The following NAT10 variants were observed in gnomAD, a reference collection of about 807,000 sequenced individuals.
NAT10 encodes the protein RNA cytidine acetyltransferase.
NAT10 carries 109 observed loss-of-function variants against 132.2 expected under a neutral mutation model. The ratio of observed to expected loss-of-function variants is 0.82; its 90% CI spans 0.71 to 0.97. The LOEUF is 0.97. Ranked by LOEUF, NAT10 falls within the 50% of genes least tolerant of loss-of-function variation. The pLI is 0.00. For synonymous variants in NAT10, 479 were observed against 478.0 expected, an observed-to-expected ratio of 1.00 and a Z score of -0.03; for missense variants, 1,184 against 1,263.4, an observed-to-expected ratio of 0.94 and a Z score of 0.95.
chr11:34,131,079 T>C (rs752445940), intron 13 of NAT10, 142 bp downstream of exon 13: 98 of 1,329,078 alleles, frequency 7.4e-5, no homozygotes, highest in Non-Finnish European at 9.1e-5. Flanking sequence ...AGAGGAGAAG[T>C]AGCTTTTTTC....
intron 12 of NAT10, 85 bp from the exon 13 acceptor site, chr11:34,130,728 G>A (rs745342441): frequency 4.6e-5 from 69 of 1,512,056 alleles, no homozygotes; most frequent in Admixed American, 4.1e-4. Context: ...TGGTGTTTCA[G>A]CAGGTGGAGG....
intron 27 of NAT10, among the ~76,000 whole-genome samples, chr11:34,142,709 A>G (rs1207067625): frequency 6.6e-6 from 1 of 152,174 alleles, no homozygotes; most frequent in Admixed American, 6.5e-5. Context: ...AAAGGATTCT[A>G]CTGCTAAAAC....
rs188870778 is a variant in NAT10, at chr11:34,124,251, A to G, written c.1009-51A>G. On this transcript the variant is annotated intron_variant, in intron 10 of 28. Transcript: ENST00000257829. ...ATACTTGCTTACTTTCATAATATTT[A>G]GTTTCTGAAACTTGTTTCTAAAGTT... 8.3e-5 allele frequency: 98 copies of G among 1,187,632 alleles called. No homozygotes were observed. In the East Asian group the frequency reaches 2.3e-3, roughly 28 times the overall value. The allele number at this position is 1,187,632 out of a possible 1,614,324, so 73.6% of individuals were successfully genotyped here.
chr11:34,110,347 C>T (rs1361742376), intron 3 of NAT10, among the ~76,000 whole-genome samples: 1 of 151,664 alleles, frequency 6.6e-6, no homozygotes, highest in Non-Finnish European at 1.5e-5. Flanking sequence ...CTTGGAATGC[C>T]ACTTCCACCT....
rs147842445 is a variant in NAT10, at chr11:34,137,038, A to G, written c.2211+12A>G. On this transcript the variant is annotated intron_variant, in intron 21 of 28. Transcript: ENST00000257829. The stretch of plus-strand genomic sequence containing the variant: ...TGAGACAGACCCCGGTGAGTGAGGC[A>G]TCCAGCAGAGGAGAAGTTTAGGTTT... The G allele has an allele frequency of 1.5e-3, 2,459 of 1,614,172 alleles. 39 individuals are homozygous for G. The African/African-American group carries it at 0.028, about 19-fold the overall frequency.
At chr11:34,122,345 C>T in intron 8 of NAT10, 114 bp from the exon 9 acceptor site, 6 of 1,372,402 alleles carry the variant, frequency 4.4e-6, no homozygotes, top group Non-Finnish European at 5.1e-6. Flanking sequence ...CCTGCAAGAA[C>T]TGCCGCCCTC....
At chr11:34,109,313 T>G (rs1478778107) in intron 3 of NAT10, among the ~76,000 whole-genome samples, 1 of 152,222 alleles carries the variant, frequency 6.6e-6, no homozygotes, top group African/African-American at 2.4e-5. Flanking sequence ...TTCTCCTTCC[T>G]GTAAACATGC....
rs779496250 is a variant in NAT10 at position 34,108,974 on chromosome 11, T to C, written c.200+141T>C. The C allele has an allele frequency of 1.0e-4, 66 of 658,812 alleles. No homozygotes were observed. In the East Asian group the frequency reaches 2.0e-3, roughly 20 times the overall value. The allele number at this position is 658,812 out of a possible 1,614,324, so 40.8% of individuals were successfully genotyped here. ...TGAGGACAAATGGAGCTGATATCCT[T>C]TCTTCATTCCTGAAAATAAGTTTCA... is the stretch of plus-strand genomic sequence containing the variant. On this transcript the variant is annotated intron_variant, in intron 3 of 28. Coordinates refer to ENST00000257829, the MANE Select transcript of NAT10 (RefSeq NM_024662.3).
intron 11 of NAT10, among the ~76,000 whole-genome samples, chr11:34,125,562 C>T (rs1242182301): frequency 6.6e-6 from 1 of 152,192 alleles, no homozygotes; most frequent in African/African-American, 2.4e-5. Context: ...GCTTCACCTC[C>T]CCTGGGGGGC....
intron 6 of NAT10, among the ~76,000 whole-genome samples, chr11:34,116,377 G>T (rs1304075870): frequency 1.3e-5 from 2 of 151,992 alleles, no homozygotes; most frequent in Non-Finnish European, 2.9e-5. Context: ...ATGGTGTACG[G>T]TTTGTTATCT....
At chr11:34,144,050 G>T (rs1852389986) in intron 28 of NAT10, among the ~76,000 whole-genome samples, 1 of 152,180 alleles carries the variant, frequency 6.6e-6, no homozygotes, top group African/African-American at 2.4e-5. Context: ...CAGTTCTCAA[G>T]GTTTTGGGTC....
intron 11 of NAT10, among the ~76,000 whole-genome samples, chr11:34,125,055 GTTTATACCCTAGCAC>G (rs1347293438): frequency 6.6e-6 from 1 of 152,210 alleles, no homozygotes; most frequent in Non-Finnish European, 1.5e-5. Context: ...GAATTTGGCA[GTTTATACCCTAGCAC>G]TTTATGCCTG....
chr11:34,133,626 A>G (rs1852148252), intron 16 of NAT10, among the ~76,000 whole-genome samples: 1 of 152,198 alleles, frequency 6.6e-6, no homozygotes. Context: ...GTAGTATTTC[A>G]TTATATACAT....
chr11:34,111,969 A>G, intron 3 of NAT10, 83 bp from the exon 4 acceptor site: 1 of 1,513,142 alleles, frequency 6.6e-7, no homozygotes, highest in Non-Finnish European at 9.0e-7. Flanking sequence ...TAAGTGGGTG[A>G]TCACTGAGCC....
chr11:34,143,543 T>C lies in NAT10; in HGVS notation c.2969+15T>C. On this transcript the variant is annotated intron_variant, in intron 28 of 28. Transcript: ENST00000257829. Reference sequence around the variant, plus strand: ...AGCCTGAAAAGGTGAGGGCCCAGGGTCTGATGTGCATCTGGCGGAAGAGGC... The same window carrying C: ...AGCCTGAAAAGGTGAGGGCCCAGGGCCTGATGTGCATCTGGCGGAAGAGGC... 3 of 1,611,812 alleles carry C rather than the reference T, an allele frequency of 1.9e-6. No individual in the cohort carries two copies. The highest frequency in any genetic ancestry group is 2.5e-6 in the Non-Finnish European group (3 of 1,178,892).
At chr11:34,129,625 T>TG (rs1369355823) in intron 12 of NAT10, among the ~76,000 whole-genome samples, 11 of 101,780 alleles carry the variant, frequency 1.1e-4, no homozygotes, top group African/African-American at 4.2e-4. Flanking sequence ...TTTTTTTTTT[T>TG]GAGACAGACT....
chr11:34,134,020 C>T lies in NAT10; in HGVS notation c.1735-299C>T, dbSNP rs568319582. Among the ~76,000 whole-genome samples, 144 of 151,844 alleles carry T rather than the reference C, an allele frequency of 9.5e-4. 1 individual carries two copies. Among genetic ancestry groups the T allele is most frequent in the African/African-American group, 3.2e-3 (133 of 41,386 alleles). On this transcript the variant is annotated intron_variant, in intron 16 of 28. Coordinates refer to ENST00000257829, the MANE Select transcript of NAT10 (RefSeq NM_024662.3). ...AAAAAAAAAAATACAAAAAATAAGC[C>T]GGGTGTGGTGGTAGGCACCTGTAGT... is the stretch of plus-strand genomic sequence containing the variant.
chr11:34,111,827 A>G (rs1851699688), intron 3 of NAT10, among the ~76,000 whole-genome samples: 1 of 152,238 alleles, frequency 6.6e-6, no homozygotes, highest in Non-Finnish European at 1.5e-5. Flanking sequence ...ACAGGGCAAA[A>G]TAGCAGAGTT....
At chr11:34,137,140 C>G in intron 21 of NAT10, 114 bp downstream of exon 21, 1 of 1,156,366 alleles carries the variant, frequency 8.6e-7, no homozygotes, top group Non-Finnish European at 1.3e-6. Context: ...GAGCAGGTGG[C>G]TGTGCCTCTG....
Sources: gnomAD v4.1 joint callset for allele counts (sites outside exome capture counted in the v4.1 genomes callset) on GRCh38, gnomAD v4.1.1 for gene constraint, MANE v1.5 for transcripts, NCBI Gene and HGNC (gene_info 2026-07-23, HGNC 2026-07-21) for gene names.